The following CTNNA2 variants were observed in gnomAD, a reference collection of about 807,000 sequenced individuals.
CTNNA2 encodes the protein catenin alpha-2.
Under a neutral mutation model 101.0 loss-of-function variants are expected in CTNNA2, and 42 were observed. That is an observed-to-expected ratio of 0.42 (90% CI 0.32 to 0.54). The LOEUF (loss-of-function observed/expected upper bound fraction) is 0.54, where lower values mean the gene tolerates loss of function less well. Among genes scored for constraint, CTNNA2 ranks in the 20% least tolerant of loss-of-function variants. The pLI is 0.14. For synonymous variants in CTNNA2, 450 were observed against 456.4 expected (o/e 0.99, Z 0.18); for missense variants, 871 against 1,223.1 (o/e 0.71, Z 4.29).
At chr2:79,888,419 C>T (rs1684055242) in intron 6 of CTNNA2, among the ~76,000 whole-genome samples, 2 of 152,170 alleles carry the variant, frequency 1.3e-5, no homozygotes, top group South Asian at 4.1e-4. Flanking sequence ...TTCTAAACAG[C>T]TTTTCTTTCC....
intron 2 of CTNNA2, among the ~76,000 whole-genome samples, chr2:79,301,979 G>C (rs537204824): frequency 5.9e-5 from 9 of 152,202 alleles, no homozygotes; most frequent in African/African-American, 2.2e-4. Context: ...TGTAATCCCA[G>C]CTACTCAGAA....
chr2:80,515,298 A>G (rs1186336299), intron 9 of CTNNA2, among the ~76,000 whole-genome samples: 3 of 152,146 alleles, frequency 2.0e-5, no homozygotes, highest in Non-Finnish European at 4.4e-5. Context: ...TTTGATGGAA[A>G]TTTCTCTTTC....
intron 18 of CTNNA2, among the ~76,000 whole-genome samples, chr2:80,635,990 T>TG (rs397826065): frequency 1.3e-5 from 2 of 150,038 alleles, no homozygotes; most frequent in Non-Finnish European, 3.0e-5. Context: ...TTTTTTTTTT[T>TG]GATATATATC....
intron 7 of CTNNA2, among the ~76,000 whole-genome samples, chr2:80,120,463 T>G (rs1701770050): frequency 6.6e-6 from 1 of 152,122 alleles, no homozygotes; most frequent in Admixed American, 6.6e-5. Flanking sequence ...CTTTTTCCTT[T>G]TAGGATGGAT....
At chr2:79,825,221 A>G (rs1293251968) in intron 3 of CTNNA2, among the ~76,000 whole-genome samples, 1 of 152,180 alleles carries the variant, frequency 6.6e-6, no homozygotes, top group Admixed American at 6.5e-5. Context: ...TAAGAGAGAC[A>G]GAGAGAAAGA....
intron 3 of CTNNA2, among the ~76,000 whole-genome samples, chr2:79,797,728 T>A (rs1486312679): frequency 1.3e-5 from 2 of 151,404 alleles, no homozygotes; most frequent in Non-Finnish European, 1.5e-5. Context: ...TACATTTAGA[T>A]GTTTTGATTT....
At chr2:79,631,082 A>G (rs1240100572) in intron 1 of CTNNA2, among the ~76,000 whole-genome samples, 1 of 149,944 alleles carries the variant, frequency 6.7e-6, no homozygotes, top group Non-Finnish European at 1.5e-5. Context: ...TTTCTGTTGC[A>G]TTTATTTTAT....
intron 3 of CTNNA2, among the ~76,000 whole-genome samples, chr2:79,851,541 T>G (rs908125450): frequency 6.6e-6 from 1 of 152,120 alleles, no homozygotes; most frequent in African/African-American, 2.4e-5. Context: ...AAACATGTTT[T>G]AGTTTCTGCA....
intron 7 of CTNNA2, among the ~76,000 whole-genome samples, chr2:80,062,490 A>G (rs1006875729): frequency 6.6e-6 from 1 of 152,202 alleles, no homozygotes; most frequent in Non-Finnish European, 1.5e-5. Flanking sequence ...AACAGGTTCT[A>G]TTGAGCTGAC....
chr2:79,685,424 G>A (rs1378649006), intron 2 of CTNNA2, among the ~76,000 whole-genome samples: 1 of 152,068 alleles, frequency 6.6e-6, no homozygotes, highest in African/African-American at 2.4e-5. Flanking sequence ...TGACTCAAAT[G>A]AGAGATAGAA....
intron 12 of CTNNA2, among the ~76,000 whole-genome samples, chr2:80,565,717 A>C (rs1318332012): frequency 6.6e-6 from 1 of 152,048 alleles, no homozygotes; most frequent in Non-Finnish European, 1.5e-5. Context: ...CATGCATCCT[A>C]CTTGTTTGTA....
chr2:80,031,238 A>G (rs1295639523), intron 7 of CTNNA2, among the ~76,000 whole-genome samples: 5 of 152,224 alleles, frequency 3.3e-5, no homozygotes, highest in Admixed American at 2.0e-4. Flanking sequence ...AACCTCAAAA[A>G]GTATATAACA....
chr2:80,379,419 T>C (rs1032334127), intron 7 of CTNNA2, among the ~76,000 whole-genome samples: 6 of 152,200 alleles, frequency 3.9e-5, no homozygotes, highest in African/African-American at 1.4e-4. Flanking sequence ...ATGCCTAGCC[T>C]GTATTGTTTT....
At chr2:80,311,800 T>C (rs1677616271) in intron 7 of CTNNA2, among the ~76,000 whole-genome samples, 1 of 152,262 alleles carries the variant, frequency 6.6e-6, no homozygotes, top group Admixed American at 6.5e-5. Flanking sequence ...TTTCATGGTT[T>C]CAGCCATTTA....
At chr2:79,281,216 T>C (rs1363254640) in intron 2 of CTNNA2, among the ~76,000 whole-genome samples, 1 of 152,064 alleles carries the variant, frequency 6.6e-6, no homozygotes, top group Non-Finnish European at 1.5e-5. Context: ...GGTCCAAGGG[T>C]GGCCTGCAAA....
chr2:79,770,908 T>G (rs1431434028), intron 3 of CTNNA2, among the ~76,000 whole-genome samples: 1 of 152,222 alleles, frequency 6.6e-6, no homozygotes, highest in Non-Finnish European at 1.5e-5. Flanking sequence ...TAGCTTTCTA[T>G]GTTTTAGATG....
At chr2:79,366,340 G>T (rs997264291) in intron 3 of CTNNA2, among the ~76,000 whole-genome samples, 7 of 152,184 alleles carry the variant, frequency 4.6e-5, no homozygotes, top group Admixed American at 1.3e-4. Flanking sequence ...TGGAACACAG[G>T]CCGGCTAGGA....
At chr2:79,856,313 T>C (rs529127902) in intron 3 of CTNNA2, among the ~76,000 whole-genome samples, 1 of 152,384 alleles carries the variant, frequency 6.6e-6, no homozygotes, top group East Asian at 1.9e-4. Flanking sequence ...AGAGAATTAC[T>C]TTATATTCTG....
intron 7 of CTNNA2, among the ~76,000 whole-genome samples, chr2:80,123,108 G>A (rs561162574): frequency 1.3e-5 from 2 of 152,228 alleles, no homozygotes; most frequent in African/African-American, 4.8e-5. Context: ...AAAAGAACAG[G>A]GAGAGGCTTA....
Sources: gnomAD v4.1 joint callset for allele counts (sites outside exome capture counted in the v4.1 genomes callset) on GRCh38, gnomAD v4.1.1 for gene constraint, MANE v1.5 for transcripts, NCBI Gene and HGNC (gene_info 2026-07-23, HGNC 2026-07-21) for gene names.